Variants in SDK1 observed in about 807,000 individuals in gnomAD.
SDK1 encodes sidekick cell adhesion molecule 1.
In SDK1, 157 loss-of-function variants were observed where a neutral mutation model predicts 245.5. The observed-to-expected ratio is 0.64, with a 90% confidence interval of 0.56 to 0.73. The LOEUF is 0.73. Ranked by LOEUF, SDK1 falls within the 30% of genes least tolerant of loss-of-function variation. The probability of loss-of-function intolerance (pLI) is 0.00; values close to 1 mark genes in which losing one functional copy is unlikely to be tolerated. For missense variants in SDK1, 3,583 were observed against 3,002.3 expected, an observed-to-expected ratio of 1.19 and a Z score of -4.52; for synonymous variants, 1,647 against 1,278.5, an observed-to-expected ratio of 1.29 and a Z score of -6.15.
rs543558489 is a variant in SDK1, at chr7:3,366,317, A to G, written c.298+64433A>G. Among the ~76,000 whole-genome samples, 6 of 151,546 alleles carry G rather than the reference A, an allele frequency of 4.0e-5. No homozygotes were observed. The East Asian group carries it at 1.2e-3, about 29-fold the overall frequency. ...TTGCTTTTTCTTCCTTCTCATACAC[A>G]ATGTAGTAGTCTATGGTCTCTGGTC... is the stretch of plus-strand genomic sequence containing the variant. On this transcript the variant is annotated intron_variant, in intron 1 of 44. Transcript: ENST00000404826.
chr7:3,893,904 A>G (rs1781526187), intron 5 of SDK1, among the ~76,000 whole-genome samples: 1 of 152,070 alleles, frequency 6.6e-6, no homozygotes, highest in African/African-American at 2.4e-5. Context: ...TCCAGTATTA[A>G]GGATTTTACA....
chr7:4,056,056 A>C (rs145552167), intron 19 of SDK1, among the ~76,000 whole-genome samples: 1 of 152,086 alleles, frequency 6.6e-6, no homozygotes, highest in Non-Finnish European at 1.5e-5. Context: ...GATATGGTCA[A>C]TCTTGGTGAA....
intron 4 of SDK1, among the ~76,000 whole-genome samples, chr7:3,745,057 C>T (rs938758048): frequency 2.6e-5 from 4 of 151,990 alleles, no homozygotes; most frequent in African/African-American, 9.7e-5. Flanking sequence ...TTAGTATTGT[C>T]TCAAATGAAA....
chr7:3,340,603 A>T (rs1005623904), intron 1 of SDK1, among the ~76,000 whole-genome samples: 1 of 152,108 alleles, frequency 6.6e-6, no homozygotes, highest in Non-Finnish European at 1.5e-5. Context: ...TCTACTAAAA[A>T]TACCAAAAAA....
At chr7:3,869,654 C>G (rs1780911128) in intron 5 of SDK1, among the ~76,000 whole-genome samples, 1 of 152,132 alleles carries the variant, frequency 6.6e-6, no homozygotes. Context: ...ATTTTTCTTG[C>G]AAATCAGAAA....
At chr7:3,995,458 C>G (rs1347998452) in intron 14 of SDK1, among the ~76,000 whole-genome samples, 2 of 152,286 alleles carry the variant, frequency 1.3e-5, no homozygotes, top group African/African-American at 4.8e-5. Flanking sequence ...GTCCCCATCC[C>G]CTCCCCTGGG....
At chr7:3,778,488 A>G (rs1220155390) in intron 4 of SDK1, among the ~76,000 whole-genome samples, 2 of 152,236 alleles carry the variant, frequency 1.3e-5, no homozygotes, top group Admixed American at 1.3e-4. Context: ...TCTGGCAAAT[A>G]GACCCAGAGA....
intron 5 of SDK1, among the ~76,000 whole-genome samples, chr7:3,845,602 A>G (rs1425402406): frequency 6.6e-6 from 1 of 151,882 alleles, no homozygotes; most frequent in Non-Finnish European, 1.5e-5. Flanking sequence ...CCAGGTAACA[A>G]AAGTGCCCTA....
At chr7:3,450,054 T>A (rs1780465082) in intron 1 of SDK1, among the ~76,000 whole-genome samples, 1 of 152,018 alleles carries the variant, frequency 6.6e-6, no homozygotes, top group Non-Finnish European at 1.5e-5. Flanking sequence ...GGCATAAAGG[T>A]TGAGGGTGGT....
chr7:3,741,137 C>T (rs892847602), intron 4 of SDK1, among the ~76,000 whole-genome samples: 44 of 152,288 alleles, frequency 2.9e-4, no homozygotes, highest in African/African-American at 9.9e-4. Context: ...TCCTGTATAC[C>T]AAGTGGATGT....
At chr7:4,088,537 C>T (rs1003065970) in intron 22 of SDK1, among the ~76,000 whole-genome samples, 2 of 149,880 alleles carry the variant, frequency 1.3e-5, no homozygotes, top group South Asian at 2.1e-4. Flanking sequence ...TTTTCTGATC[C>T]TGATTTCCTA....
intron 20 of SDK1, among the ~76,000 whole-genome samples, chr7:4,074,514 A>G (rs1283814319): frequency 2.6e-5 from 4 of 152,068 alleles, no homozygotes; most frequent in Non-Finnish European, 5.9e-5. Context: ...GGCAGGCTAG[A>G]TGTCTTAGAC....
intron 18 of SDK1, 56 bp from the exon 19 acceptor site, chr7:4,051,582 A>C: frequency 7.0e-7 from 1 of 1,435,794 alleles, no homozygotes; most frequent in Non-Finnish European, 9.6e-7. Context: ...TGCAGACATG[A>C]GTGTGGAGAA....
chr7:4,161,879 G>A lies in SDK1; in HGVS notation c.4800+23G>A, dbSNP rs553401069. ...CAGGTAAGAGCGCGGGGAATCACGC[G>A]CGTTTTGTCAAATGTGTTCTCATTT... is the stretch of plus-strand genomic sequence containing the variant. On this transcript the variant is annotated intron_variant, in intron 32 of 44. Coordinates refer to ENST00000404826, the MANE Select transcript of SDK1 (RefSeq NM_152744.4). 154 of 1,606,002 alleles carry A rather than the reference G, an allele frequency of 9.6e-5. No homozygotes were observed. In the South Asian group the frequency reaches 1.3e-3, roughly 13 times the overall value.
chr7:3,624,761 C>A (rs1333889636), intron 2 of SDK1, among the ~76,000 whole-genome samples: 1 of 151,868 alleles, frequency 6.6e-6, no homozygotes, highest in African/African-American at 2.4e-5. Context: ...AATATATGAT[C>A]AAGGCCAGGC....
chr7:4,109,344 G>T (rs554462704), intron 22 of SDK1, among the ~76,000 whole-genome samples: 1 of 152,342 alleles, frequency 6.6e-6, no homozygotes, highest in South Asian at 2.1e-4. Flanking sequence ...AGTCTCCTCT[G>T]CATCCGTGTC....
At chr7:3,481,082 A>G (rs866733858) in intron 1 of SDK1, among the ~76,000 whole-genome samples, 5 of 152,354 alleles carry the variant, frequency 3.3e-5, no homozygotes, top group African/African-American at 9.6e-5. Context: ...ATGATTACTA[A>G]TACATTTGGA....
chr7:4,076,923 C>G (rs1035258583), intron 20 of SDK1, 75 bp from the exon 21 acceptor site: 1 of 1,313,818 alleles, frequency 7.6e-7, no homozygotes, highest in Admixed American at 1.9e-5. Flanking sequence ...AAGCCTGCAA[C>G]GATGGTGCTG....
intron 2 of SDK1, 115 bp from the exon 3 acceptor site, chr7:3,638,889 T>C: frequency 2.1e-6 from 1 of 484,540 alleles, no homozygotes. Context: ...AAAATATTTG[T>C]TGAGCATATA....
Sources: allele counts gnomAD v4.1 joint callset (sites outside exome capture counted in the v4.1 genomes callset), GRCh38; gene constraint gnomAD v4.1.1; transcripts MANE v1.5; gene names NCBI Gene and HGNC (gene_info 2026-07-23, HGNC 2026-07-21).